The following TRHDE variants were observed in gnomAD, a reference collection of about 807,000 sequenced individuals.
TRHDE encodes the protein thyrotropin-releasing hormone-degrading ectoenzyme.
Under a neutral mutation model 125.7 loss-of-function variants are expected in TRHDE, and 72 were observed. The observed-to-expected ratio is 0.57, with a 90% CI of 0.47 to 0.70. TRHDE has a LOEUF of 0.70. Ranked by LOEUF, TRHDE falls within the 30% of genes least tolerant of loss-of-function variation. The probability of loss-of-function intolerance (pLI) is 0.00; values close to 1 mark genes in which losing one functional copy is unlikely to be tolerated. For synonymous variants in TRHDE, 509 were observed against 509.1 expected, an observed-to-expected ratio of 1.00 and a Z score of 0.00; for missense variants, 1,110 against 1,327.1, an observed-to-expected ratio of 0.84 and a Z score of 2.54.
At chr12:72,608,057 A>G (rs1872517485) in intron 12 of TRHDE, among the ~76,000 whole-genome samples, 1 of 152,154 alleles carries the variant, frequency 6.6e-6, no homozygotes, top group Non-Finnish European at 1.5e-5. Context: ...ACCTGCATGT[A>G]TGAACTAGAG....
At chr12:72,102,830 T>C (rs1378228053) in intron 1 of TRHDE, among the ~76,000 whole-genome samples, 2 of 152,226 alleles carry the variant, frequency 1.3e-5, no homozygotes, top group South Asian at 4.1e-4. Flanking sequence ...GAAGGGCTTG[T>C]TGCCCCAGTT....
chr12:72,128,223 G>T (rs1002698814), intron 2 of TRHDE, among the ~76,000 whole-genome samples: 9 of 152,118 alleles, frequency 5.9e-5, no homozygotes, highest in African/African-American at 2.2e-4. Flanking sequence ...GAATAATTGT[G>T]GTACCATTCC....
chr12:72,198,961 A>G (rs1010602100), intron 2 of TRHDE, among the ~76,000 whole-genome samples: 5 of 149,258 alleles, frequency 3.3e-5, no homozygotes, highest in Admixed American at 6.6e-5. Context: ...GAGAGAGAGA[A>G]ACAGAGAGAG....
At chr12:72,156,819 T>A (rs1876523335) in intron 2 of TRHDE, among the ~76,000 whole-genome samples, 1 of 152,248 alleles carries the variant, frequency 6.6e-6, no homozygotes, top group Non-Finnish European at 1.5e-5. Flanking sequence ...CCATATTTTA[T>A]GGCCCCAAGT....
At chr12:72,164,671 CAG>C (rs1166762219) in intron 2 of TRHDE, among the ~76,000 whole-genome samples, 7 of 152,166 alleles carry the variant, frequency 4.6e-5, no homozygotes, top group Non-Finnish European at 7.3e-5. Context: ...CCAGTGATGA[CAG>C]AATGGGCAGG....
In TRHDE at chr12:72,627,760, C is replaced by T. The variant is rs186259405; in HGVS notation, c.2675+6009C>T. Among the ~76,000 whole-genome samples, 73 of 151,670 alleles carry T rather than the reference C, an allele frequency of 4.8e-4. 1 individual carries two copies. The highest frequency in any genetic ancestry group is 6.8e-3 in the Middle Eastern group (2 of 292). ...AGTGGCACTGTCATAAGTTACTTCA[C>T]CCTCAAACTCCTAGGCTCAAGTAAC... On this transcript the variant is annotated intron_variant, in intron 15 of 18. Transcript: ENST00000261180.
chr12:72,439,149 T>G (rs998457970), intron 3 of TRHDE, among the ~76,000 whole-genome samples: 1 of 151,908 alleles, frequency 6.6e-6, no homozygotes, highest in Non-Finnish European at 1.5e-5. Context: ...TCTGCTTAAT[T>G]GGTCTATGGT....
At chr12:72,224,186 C>G (rs1037212846) in intron 2 of TRHDE, among the ~76,000 whole-genome samples, 1,976 of 141,268 alleles carry the variant, frequency 0.014, 48 homozygotes, top group African/African-American at 0.048. Context: ...ATCTATCTAT[C>G]TATCTATCTA....
At chr12:72,392,143 C>A (rs1470828037) in intron 3 of TRHDE, among the ~76,000 whole-genome samples, 1 of 152,166 alleles carries the variant, frequency 6.6e-6, no homozygotes, top group African/African-American at 2.4e-5. Context: ...TGATCTCACA[C>A]TTTTACCCTC....
intron 3 of TRHDE, among the ~76,000 whole-genome samples, chr12:72,389,860 A>G (rs897017005): frequency 6.6e-6 from 1 of 152,140 alleles, no homozygotes; most frequent in Non-Finnish European, 1.5e-5. Context: ...CTATTGGGGG[A>G]TGGGAGCAAA....
At chr12:72,486,100 C>T (rs1592482021) in intron 5 of TRHDE, among the ~76,000 whole-genome samples, 1 of 152,130 alleles carries the variant, frequency 6.6e-6, no homozygotes, top group African/African-American at 2.4e-5. Context: ...ACTGGAGAAC[C>T]TATTTTCCCC....
chr12:72,219,085 G>A (rs1320269602), intron 2 of TRHDE, among the ~76,000 whole-genome samples: 2 of 152,004 alleles, frequency 1.3e-5, no homozygotes, highest in African/African-American at 2.4e-5. Context: ...TTATTCTGAG[G>A]TTAGTCCTCC....
chr12:72,214,555 G>C (rs1033749391), intron 2 of TRHDE, among the ~76,000 whole-genome samples: 1 of 152,120 alleles, frequency 6.6e-6, no homozygotes, highest in Non-Finnish European at 1.5e-5. Flanking sequence ...TAATGATAAG[G>C]TTTCAATGAC....
intron 15 of TRHDE, among the ~76,000 whole-genome samples, chr12:72,641,498 T>C (rs1039905667): frequency 1.3e-5 from 2 of 152,178 alleles, no homozygotes; most frequent in African/African-American, 4.8e-5. Flanking sequence ...AACGTACACA[T>C]TATGTTATTT....
intron 3 of TRHDE, among the ~76,000 whole-genome samples, chr12:72,411,619 C>T (rs1873512754): frequency 6.6e-6 from 1 of 152,036 alleles, no homozygotes; most frequent in Non-Finnish European, 1.5e-5. Context: ...TTAGCAGGCT[C>T]TTTTGTTCAA....
At chr12:72,291,084 T>C (rs566131269) in intron 2 of TRHDE, among the ~76,000 whole-genome samples, 2 of 152,318 alleles carry the variant, frequency 1.3e-5, no homozygotes, top group South Asian at 2.1e-4. Flanking sequence ...GTGGGTCTCA[T>C]CCCATTACAA....
upstream of TRHDE, among the ~76,000 whole-genome samples, chr12:72,268,151 TCAC>T (rs1390205356): frequency 1.3e-5 from 2 of 152,232 alleles, no homozygotes; most frequent in African/African-American, 4.8e-5. Context: ...AACAGAAACT[TCAC>T]CATTCTTTTT....
chr12:72,451,269 A>G (rs1450412743), intron 3 of TRHDE, among the ~76,000 whole-genome samples: 1 of 152,124 alleles, frequency 6.6e-6, no homozygotes, highest in Non-Finnish European at 1.5e-5. Context: ...TCTTATGTTT[A>G]TATCTTTAAC....
At chr12:72,653,204 G>A (rs779667084) in intron 17 of TRHDE, 48 bp downstream of exon 17, 3 of 1,535,348 alleles carry the variant, frequency 2.0e-6, no homozygotes, top group Non-Finnish European at 1.8e-6. Context: ...AGCCGACATA[G>A]GAGGAATAAA....
Sources: allele counts gnomAD v4.1 joint callset (sites outside exome capture counted in the v4.1 genomes callset), GRCh38; gene constraint gnomAD v4.1.1; transcripts MANE v1.5; gene names NCBI Gene and HGNC (gene_info 2026-07-23, HGNC 2026-07-21).